NKAIN3: variants seen among roughly 807,000 people sequenced by gnomAD.
NKAIN3 encodes sodium/potassium transporting ATPase interacting 3.
NKAIN3 carries 25 observed loss-of-function variants against 30.2 expected under a neutral mutation model. The ratio of observed to expected loss-of-function variants is 0.83; its 90% confidence interval spans 0.60 to 1.16. The LOEUF is 1.16. NKAIN3 is among the 50% of genes most tolerant of loss of function. The pLI is 0.00. For synonymous variants in NKAIN3, 91 were observed against 89.6 expected (o/e 1.02, Z -0.09); for missense variants, 225 against 254.1 (o/e 0.89, Z 0.78).
At chr8:62,889,182 A>G (rs992566350) in intron 4 of NKAIN3, among the ~76,000 whole-genome samples, 4 of 152,096 alleles carry the variant, frequency 2.6e-5, no homozygotes, top group Non-Finnish European at 4.4e-5. Flanking sequence ...CGCCCTGGCC[A>G]ACATGGTGAA....
At chr8:62,606,599 T>C (rs1168089433) in intron 3 of NKAIN3, among the ~76,000 whole-genome samples, 1 of 152,108 alleles carries the variant, frequency 6.6e-6, no homozygotes, top group Admixed American at 6.6e-5. Flanking sequence ...TCAATTTGGT[T>C]GAGTTGTCTG....
chr8:62,938,933 G>T (rs753713521), intron 5 of NKAIN3, among the ~76,000 whole-genome samples: 1 of 152,246 alleles, frequency 6.6e-6, no homozygotes, highest in Non-Finnish European at 1.5e-5. Flanking sequence ...TAATTCAGAA[G>T]GTCGATTATT....
At chr8:62,270,466 G>T (rs1452424595) in intron 1 of NKAIN3, among the ~76,000 whole-genome samples, 1 of 151,904 alleles carries the variant, frequency 6.6e-6, no homozygotes, top group Non-Finnish European at 1.5e-5. Context: ...AATTATAGTT[G>T]TATATATTTA....
chr8:62,374,113 C>CAAAAAAA (rs66521184), intron 1 of NKAIN3, among the ~76,000 whole-genome samples: 6 of 64,324 alleles, frequency 9.3e-5, no homozygotes, highest in African/African-American at 3.5e-4. Context: ...ACTCCATCTC[C>CAAAAAAA]AAAAAAAAAA....
At chr8:62,809,871 C>T (rs369811930) in intron 4 of NKAIN3, among the ~76,000 whole-genome samples, 1 of 152,174 alleles carries the variant, frequency 6.6e-6, no homozygotes, top group Non-Finnish European at 1.5e-5. Flanking sequence ...AATTCTGAAT[C>T]CAGTAGAGTT....
chr8:62,395,604 C>T (rs939983918), intron 1 of NKAIN3, among the ~76,000 whole-genome samples: 1 of 152,122 alleles, frequency 6.6e-6, no homozygotes, highest in Non-Finnish European at 1.5e-5. Context: ...AATTCTGGAA[C>T]GTTGTTTTCA....
intron 1 of NKAIN3, among the ~76,000 whole-genome samples, chr8:62,471,484 T>G (rs1440343202): frequency 1.3e-5 from 2 of 152,138 alleles, no homozygotes; most frequent in Non-Finnish European, 2.9e-5. Context: ...AAAAGAAAAA[T>G]CTTGTGTGTA....
At chr8:62,549,100 C>T (rs1183044448) in intron 1 of NKAIN3, among the ~76,000 whole-genome samples, 6 of 152,074 alleles carry the variant, frequency 3.9e-5, no homozygotes, top group African/African-American at 1.4e-4. Flanking sequence ...TAAATTTTTT[C>T]TAGATTATGT....
intron 1 of NKAIN3, among the ~76,000 whole-genome samples, chr8:62,492,255 C>G (rs1807094806): frequency 6.6e-6 from 1 of 152,128 alleles, no homozygotes; most frequent in Non-Finnish European, 1.5e-5. Flanking sequence ...CTTTTCTCCA[C>G]AAGTGTAGAG....
At chr8:62,815,570 A>G (rs888157719) in intron 4 of NKAIN3, among the ~76,000 whole-genome samples, 6 of 152,156 alleles carry the variant, frequency 3.9e-5, no homozygotes, top group South Asian at 2.1e-4. Flanking sequence ...TTCAATATAC[A>G]CAAATCAATA....
At chr8:62,908,332 G>A (rs1003419020) in intron 4 of NKAIN3, among the ~76,000 whole-genome samples, 1 of 151,842 alleles carries the variant, frequency 6.6e-6, no homozygotes, top group Non-Finnish European at 1.5e-5. Context: ...CTTTATCTCA[G>A]ATGAGACTTT....
intron 4 of NKAIN3, among the ~76,000 whole-genome samples, chr8:62,824,270 T>C (rs1411678629): frequency 1.3e-5 from 2 of 152,146 alleles, no homozygotes; most frequent in Non-Finnish European, 2.9e-5. Context: ...GCTGAGAGAA[T>C]GAGTACTTGG....
chr8:62,578,705 G>A (rs1049282063), intron 1 of NKAIN3, among the ~76,000 whole-genome samples: 7 of 151,830 alleles, frequency 4.6e-5, no homozygotes. Flanking sequence ...TCACAAGCCT[G>A]GAGTTCTTTG....
Position 62,409,457 on chromosome 8 carries a change from A to G in NKAIN3, c.54+160330A>G, listed in dbSNP as rs1484359351. Among the ~76,000 whole-genome samples the G allele has an allele frequency of 3.9e-5, 6 of 152,188 alleles. No homozygotes were observed. The East Asian group carries it at 1.2e-3, about 29-fold the overall frequency. On this transcript the variant is annotated intron_variant, in intron 1 of 6. Transcript: ENST00000623646. The stretch of plus-strand genomic sequence containing the variant: ...CCTTGGCCTCCCAAAGTGCTGGGAT[A>G]ATAGTCATGAACCACTGTGCCTGGC...
chr8:62,761,293 T>G (rs1394705382), intron 4 of NKAIN3, among the ~76,000 whole-genome samples: 1 of 152,090 alleles, frequency 6.6e-6, no homozygotes, highest in Non-Finnish European at 1.5e-5. Context: ...TTACTTTAAA[T>G]AATGTTCTGT....
intron 3 of NKAIN3, among the ~76,000 whole-genome samples, chr8:62,745,348 C>A (rs1351139903): frequency 6.6e-6 from 1 of 152,196 alleles, no homozygotes; most frequent in Non-Finnish European, 1.5e-5. Flanking sequence ...CCAACATGGC[C>A]CCCTGGCACT....
At chr8:62,759,346 G>T (rs1008199757) in intron 4 of NKAIN3, among the ~76,000 whole-genome samples, 6 of 152,074 alleles carry the variant, frequency 3.9e-5, no homozygotes, top group Admixed American at 1.3e-4. Flanking sequence ...ATTTGTAATG[G>T]TAGAAATCAA....
chr8:62,354,483 A>C (rs147282813), intron 1 of NKAIN3, among the ~76,000 whole-genome samples: 3 of 152,114 alleles, frequency 2.0e-5, no homozygotes, highest in Admixed American at 6.5e-5. Flanking sequence ...AGTCTCTGTC[A>C]TGCAGGCTGG....
At chr8:62,556,560 C>T (rs954375777) in intron 1 of NKAIN3, among the ~76,000 whole-genome samples, 1 of 151,334 alleles carries the variant, frequency 6.6e-6, no homozygotes, top group Non-Finnish European at 1.5e-5. Flanking sequence ...ATAAGTCCAG[C>T]TATATAATAT....
Sources: allele counts gnomAD v4.1 joint callset (sites outside exome capture counted in the v4.1 genomes callset), GRCh38; gene constraint gnomAD v4.1.1; transcripts MANE v1.5; gene names NCBI Gene and HGNC (gene_info 2026-07-23, HGNC 2026-07-21).